The following ANKRD13A variants were observed in gnomAD, a reference collection of about 807,000 sequenced individuals.
The protein encoded by ANKRD13A is ankyrin repeat domain-containing protein 13A.
In ANKRD13A, 48 loss-of-function variants were observed where a neutral mutation model predicts 81.3. The observed-to-expected ratio is 0.59, with a 90% confidence interval of 0.47 to 0.75. The LOEUF is 0.75. ANKRD13A is among the 30% of genes least tolerant of loss of function. The pLI is 0.00. For synonymous variants in ANKRD13A, 230 were observed against 270.1 expected, an observed-to-expected ratio of 0.85 and a Z score of 1.45; for missense variants, 612 against 734.0, an observed-to-expected ratio of 0.83 and a Z score of 1.92.
chr12:110,023,832 G>C (rs1891185747), intron 6 of ANKRD13A: 1 of 474,012 alleles, frequency 2.1e-6, no homozygotes, highest in African/African-American at 2.0e-5. Flanking sequence ...TCTATGCCTG[G>C]GGTGAGGCAA....
In ANKRD13A at chr12:110,038,652, A is replaced by G. The variant is rs774041946; in HGVS notation, c.*1098A>G. ...TTTCTGGATAAATCTATTTTTTAAC[A>G]ATCTTTTTATTATTTGTAAAAGATA... On this transcript the variant is annotated 3_prime_UTR_variant, in exon 15 of 15. Transcript: ENST00000261739. 20 of 152,644 alleles carry G rather than the reference A, an allele frequency of 1.3e-4. No individual in the cohort carries two copies. The highest frequency in any genetic ancestry group is 5.2e-4 in the Admixed American group (8 of 15,278). 9.5% of individuals were successfully genotyped at this position (152,644 alleles called of 1,614,324 possible).
intron 3 of ANKRD13A, among the ~76,000 whole-genome samples, chr12:110,014,715 TG>T (rs976763812): frequency 6.6e-6 from 1 of 152,160 alleles, no homozygotes; most frequent in East Asian, 1.9e-4. Context: ...CCCTGTTCTT[TG>T]GTAAAAATCA....
intron 2 of ANKRD13A, 87 bp from the exon 3 acceptor site, chr12:110,013,038 C>T: frequency 6.9e-7 from 1 of 1,447,064 alleles, no homozygotes; most frequent in African/African-American, 1.4e-5. Context: ...GAAGAAAATA[C>T]TGGTCTTTGA....
intron 1 of ANKRD13A, among the ~76,000 whole-genome samples, chr12:110,009,413 G>C (rs1278840362): frequency 3.9e-5 from 6 of 152,082 alleles, no homozygotes; most frequent in African/African-American, 7.2e-5. Flanking sequence ...TTTTATTTCT[G>C]TAGAGTTGCT....
chr12:110,019,000 TA>T lies in ANKRD13A; in HGVS notation c.545-137del. 1.2e-6 allele frequency: 1 copy of T among 817,332 alleles called. No individual in the cohort carries two copies. 50.6% of individuals were successfully genotyped at this position (817,332 alleles called of 1,614,324 possible). A position where few individuals can be genotyped will look rare whatever the true frequency, so the allele number is the denominator to read the frequency against. On this transcript the variant is annotated intron_variant, in intron 5 of 14. Transcript: ENST00000261739. This position sits in a 1 kb window ranked among gnomAD's most constrained non-coding sequence, Gnocchi z 4.4. ...AATCCCTGTGCAAATAGGTAGTCGA[TA>T]ATCAGTACACTGTAGGTTTTACCAG...
In ANKRD13A at chr12:109,999,698, G is replaced by A; in HGVS notation, c.10G>A (p.Ala4Thr). The A allele has an allele frequency of 6.5e-7, 1 of 1,536,386 alleles. No homozygotes were observed. The highest frequency in any genetic ancestry group is 8.8e-7 in the Non-Finnish European group (1 of 1,140,278). The change falls in exon 1 of 15, where the codon GCC (alanine) becomes ACC (threonine). Residue 4 changes from alanine to threonine, a missense_variant. Physicochemically the swap from Ala to Thr is moderately conservative, Grantham distance 58 (BLOSUM62 0). Coordinates refer to ENST00000261739, the MANE Select transcript of ANKRD13A (RefSeq NM_033121.2). The surrounding 1 kb of genome is among the most constrained non-coding windows in gnomAD (Gnocchi z 4.3). MSS[A>T]CDAGDHYPLH... The stretch of plus-strand genomic sequence containing the variant: ...TTACGGCCTCCTCGCCATGTCCTCG[G>A]CCTGCGACGCGGGCGACCACTACCC...
intron 6 of ANKRD13A, among the ~76,000 whole-genome samples, chr12:110,020,828 T>C (rs1004544798): frequency 1.3e-5 from 2 of 152,222 alleles, no homozygotes; most frequent in African/African-American, 4.8e-5. Context: ...GCAAGTGGCC[T>C]CATCTCTCCA....
chr12:110,008,409 C>T (rs942207521), intron 1 of ANKRD13A, among the ~76,000 whole-genome samples: 6 of 152,042 alleles, frequency 3.9e-5, no homozygotes, highest in African/African-American at 1.2e-4. Flanking sequence ...GCCAGTATAT[C>T]GTGGAGGATT....
At chr12:110,029,415 C>A (rs1410385009) in intron 10 of ANKRD13A, 63 bp from the exon 11 acceptor site, 3 of 1,564,602 alleles carry the variant, frequency 1.9e-6, no homozygotes, top group Non-Finnish European at 2.6e-6. Flanking sequence ...TACTGCATAG[C>A]AATAATCTCC....
At chr12:110,007,922 G>A (rs1890322448) in intron 1 of ANKRD13A, among the ~76,000 whole-genome samples, 1 of 152,026 alleles carries the variant, frequency 6.6e-6, no homozygotes, top group African/African-American at 2.4e-5. Flanking sequence ...GTTTTTTGGT[G>A]GATTCCTTAG....
intron 10 of ANKRD13A, chr12:110,028,890 A>G: frequency 2.8e-6 from 1 of 352,502 alleles, no homozygotes; most frequent in Non-Finnish European, 5.3e-6. Flanking sequence ...GGCGCGTGCC[A>G]CCACGCCCAG....
At chr12:110,029,921 A>T (rs1469619529) in intron 11 of ANKRD13A, among the ~76,000 whole-genome samples, 1 of 152,226 alleles carries the variant, frequency 6.6e-6, no homozygotes, top group African/African-American at 2.4e-5. Context: ...TCATTGTTTT[A>T]ATGTCAAACC....
Position 110,019,165 on chromosome 12 carries a change from A to C in ANKRD13A, c.571A>C (p.Asn191His). ...EDNWAELMEV[N>H]HDDKVVTTER... ...CAACTGGGCGGAGTTAATGGAAGTC[A>C]ACCATGATGACAAAGTGGTCACCAC... Residue 191 changes from asparagine to histidine, a missense_variant, in exon 6 of 15, where the codon AAC becomes CAC. By Grantham distance (68) the Asn-to-His change is moderately conservative. Coordinates refer to ENST00000261739, the MANE Select transcript of ANKRD13A (RefSeq NM_033121.2). The C allele has an allele frequency of 6.2e-7, 1 of 1,605,836 alleles. No homozygotes were observed. Among genetic ancestry groups the C allele is most frequent in the Non-Finnish European group, 8.5e-7 (1 of 1,175,084 alleles).
intron 6 of ANKRD13A, 34 bp downstream of exon 6, chr12:110,019,362 TC>T (rs759449264): frequency 1.3e-6 from 2 of 1,549,938 alleles, no homozygotes; most frequent in Non-Finnish European, 1.8e-6. Context: ...TAATGTCTAA[TC>T]CCCATGCTGC....
chr12:110,015,870 G>A (rs1448596368), intron 3 of ANKRD13A, among the ~76,000 whole-genome samples: 4 of 151,422 alleles, frequency 2.6e-5, no homozygotes, highest in Non-Finnish European at 5.9e-5. Context: ...CTTTCTTAAT[G>A]TCTAGACATA....
rs1436959958 is a variant in ANKRD13A, at chr12:110,018,564, C to T, written c.544+76C>T. 1 of 1,534,944 alleles carries T rather than the reference C, an allele frequency of 6.5e-7. No individual in the cohort carries two copies. The highest frequency in any genetic ancestry group is 2.3e-5 in the East Asian group (1 of 43,892). Reference sequence around the variant, plus strand: ...ATTTTTAACCAAGAAAATGCTTTCACATTCATGTGACTTTTCTGTCTGATC... The same window carrying T: ...ATTTTTAACCAAGAAAATGCTTTCATATTCATGTGACTTTTCTGTCTGATC... On this transcript the variant is annotated intron_variant, in intron 5 of 14. Coordinates refer to ENST00000261739, the MANE Select transcript of ANKRD13A (RefSeq NM_033121.2). This position sits in a 1 kb window ranked among gnomAD's most constrained non-coding sequence, Gnocchi z 4.4.
chr12:110,016,137 C>T (rs1310162790), intron 3 of ANKRD13A, among the ~76,000 whole-genome samples: 2 of 151,142 alleles, frequency 1.3e-5, no homozygotes, highest in African/African-American at 2.4e-5. Flanking sequence ...TTTGTGGAGA[C>T]AGGGTTTTGC....
At chr12:110,019,556 G>A (rs1890972212) in intron 6 of ANKRD13A, among the ~76,000 whole-genome samples, 1 of 152,156 alleles carries the variant, frequency 6.6e-6, no homozygotes, top group Non-Finnish European at 1.5e-5. Flanking sequence ...AACATGAAGA[G>A]TATGAAGAAA....
chr12:110,000,910 A>G (rs1251504907), intron 1 of ANKRD13A, among the ~76,000 whole-genome samples: 1 of 150,944 alleles, frequency 6.6e-6, no homozygotes, highest in African/African-American at 2.4e-5. Flanking sequence ...GGGATGCACC[A>G]CCACGCCCGG....
Sources: gnomAD v4.1 joint callset for allele counts (sites outside exome capture counted in the v4.1 genomes callset) on GRCh38, gnomAD v4.1.1 for gene constraint, Gnocchi (gnomAD v3.1) non-coding constraint, MANE v1.5 for transcripts, NCBI Gene and HGNC (gene_info 2026-07-23, HGNC 2026-07-21) for gene names.